The following TMPRSS11F variants were observed in gnomAD, a reference collection of about 807,000 sequenced individuals.
TMPRSS11F encodes the protein transmembrane serine protease 11F, also known as transmembrane protease serine 11F.
In TMPRSS11F, 47 loss-of-function variants were observed where a neutral mutation model predicts 60.2. That is an observed-to-expected ratio of 0.78 (90% CI 0.62 to 1.00). The LOEUF is 1.00. Ranked by LOEUF, TMPRSS11F falls within the 50% of genes least tolerant of loss-of-function variation. The probability of loss-of-function intolerance (pLI) is 0.00; values close to 1 mark genes in which losing one functional copy is unlikely to be tolerated. For missense variants in TMPRSS11F, 519 were observed against 522.9 expected (o/e 0.99, Z 0.07); for synonymous variants, 166 against 167.3 (o/e 0.99, Z 0.06).
At chr4:68,110,632 T>C (rs895556214) in intron 1 of TMPRSS11F, among the ~76,000 whole-genome samples, 6 of 152,170 alleles carry the variant, frequency 3.9e-5, no homozygotes, top group Admixed American at 6.6e-5. Context: ...AGTTTTTTCA[T>C]CTGCAAAATG....
At chr4:68,113,931 T>C (rs1724461043) in intron 1 of TMPRSS11F, among the ~76,000 whole-genome samples, 1 of 152,126 alleles carries the variant, frequency 6.6e-6, no homozygotes, top group African/African-American at 2.4e-5. Flanking sequence ...TAAAGTATGT[T>C]CTTCGATTTT....
intron 1 of TMPRSS11F, among the ~76,000 whole-genome samples, chr4:68,107,867 G>T (rs1724334317): frequency 6.6e-6 from 1 of 152,108 alleles, no homozygotes; most frequent in South Asian, 2.1e-4. Context: ...AACCCAGGAG[G>T]CAGAGGCTGC....
chr4:68,075,181 C>T (rs1465454577), intron 3 of TMPRSS11F, among the ~76,000 whole-genome samples: 2 of 152,068 alleles, frequency 1.3e-5, no homozygotes, highest in African/African-American at 4.8e-5. Flanking sequence ...GTAATAATGC[C>T]CAGTAGACTT....
At chr4:68,111,093 T>G (rs1724402643) in intron 1 of TMPRSS11F, among the ~76,000 whole-genome samples, 1 of 152,272 alleles carries the variant, frequency 6.6e-6, no homozygotes, top group East Asian at 1.9e-4. Context: ...CATATGGCAT[T>G]AAGCATGATG....
rs1474288880 is a variant in TMPRSS11F, at chr4:68,084,772, T to C, written c.282+5751A>G. Among the ~76,000 whole-genome samples the C allele has an allele frequency of 4.0e-5, 6 of 151,146 alleles. No homozygotes were observed. In the East Asian group the frequency reaches 1.2e-3, roughly 29 times the overall value. Reference sequence around the variant, plus strand: ...ATTATACTTTAAGTTTTAGGGTACATGTGCACATTGTGCAGGTTAGTTACA... The same window carrying C: ...ATTATACTTTAAGTTTTAGGGTACACGTGCACATTGTGCAGGTTAGTTACA... On this transcript the variant is annotated intron_variant, in intron 3 of 9. Transcript: ENST00000356291.
chr4:68,102,798 G>C (rs141196034), intron 1 of TMPRSS11F, among the ~76,000 whole-genome samples: 1 of 151,974 alleles, frequency 6.6e-6, no homozygotes, highest in East Asian at 1.9e-4. Context: ...TTCTTTTGCT[G>C]TGTAGAAGCT....
intron 1 of TMPRSS11F, among the ~76,000 whole-genome samples, chr4:68,123,961 C>T (rs543485104): frequency 6.6e-6 from 1 of 152,110 alleles, no homozygotes; most frequent in African/African-American, 2.4e-5. Flanking sequence ...TGGCTCATGC[C>T]TGTAATCCTA....
chr4:68,080,731 T>C (rs541614275), intron 3 of TMPRSS11F: 8 of 152,276 alleles, frequency 5.3e-5, no homozygotes, highest in African/African-American at 1.9e-4. Flanking sequence ...TCCTTATGAA[T>C]TTTTTTCTGA....
intron 1 of TMPRSS11F, among the ~76,000 whole-genome samples, chr4:68,125,338 A>T (rs1724695872): frequency 6.6e-6 from 1 of 152,158 alleles, no homozygotes; most frequent in Non-Finnish European, 1.5e-5. Flanking sequence ...TCAATCATTT[A>T]TAAAATTTTC....
chr4:68,071,626 T>C (rs1235776275), intron 5 of TMPRSS11F, among the ~76,000 whole-genome samples: 1 of 152,322 alleles, frequency 6.6e-6, no homozygotes, highest in Admixed American at 6.5e-5. Context: ...TTCAATTACA[T>C]ATTGGAATAG....
intron 9 of TMPRSS11F, among the ~76,000 whole-genome samples, chr4:68,058,863 G>T (rs1439684640): frequency 6.6e-6 from 1 of 152,154 alleles, no homozygotes; most frequent in Non-Finnish European, 1.5e-5. Flanking sequence ...TGATAACAAG[G>T]CCCATAGTGT....
At chr4:68,122,261 C>A (rs980072600) in intron 1 of TMPRSS11F, among the ~76,000 whole-genome samples, 2 of 152,016 alleles carry the variant, frequency 1.3e-5, no homozygotes, top group South Asian at 2.1e-4. Flanking sequence ...ACCTAAAATT[C>A]TATTATTGAA....
At chr4:68,090,780 C>T (rs13115830) in intron 2 of TMPRSS11F, 139 bp from the exon 3 acceptor site, 1,372,532 of 1,385,300 alleles carry the variant, frequency 0.99, 680,801 homozygotes, top group East Asian at 1. Flanking sequence ...GAAGACACTT[C>T]TCAAATACTC....
At chr4:68,112,838 T>A (rs1365828137) in intron 1 of TMPRSS11F, among the ~76,000 whole-genome samples, 1 of 152,182 alleles carries the variant, frequency 6.6e-6, no homozygotes, top group Non-Finnish European at 1.5e-5. Context: ...TCTTAGTTTA[T>A]AATTTCCTAA....
rs150667535 is a variant in TMPRSS11F, at chr4:68,120,103, A to G, written c.11+9707T>C. On this transcript the variant is annotated intron_variant, in intron 1 of 9. Transcript: ENST00000356291. Reference sequence around the variant, plus strand: ...AGATTTAGAAGTGGAACCTGAAGACATGACTCAAATGCTGCAATCTCATGA... The same window carrying G: ...AGATTTAGAAGTGGAACCTGAAGACGTGACTCAAATGCTGCAATCTCATGA... Among the ~76,000 whole-genome samples the G allele has an allele frequency of 9.7e-3, 1,481 of 152,328 alleles. 26 individuals carry two copies. The highest frequency in any genetic ancestry group is 0.034 in the African/African-American group (1,410 of 41,574).
chr4:68,064,371 G>A (rs1465251080), intron 8 of TMPRSS11F, among the ~76,000 whole-genome samples: 1 of 151,870 alleles, frequency 6.6e-6, no homozygotes, highest in East Asian at 1.9e-4. Context: ...TATTTTAGTA[G>A]AGATGGGGTT....
intron 1 of TMPRSS11F, among the ~76,000 whole-genome samples, chr4:68,115,385 AGAAG>A: frequency 6.7e-6 from 1 of 149,598 alleles, no homozygotes; most frequent in Non-Finnish European, 1.5e-5. Context: ...AAAAAAAAGA[AGAAG>A]AAGAAAAGTT....
intron 8 of TMPRSS11F, among the ~76,000 whole-genome samples, chr4:68,061,547 T>C (rs1723174585): frequency 6.6e-6 from 1 of 152,234 alleles, no homozygotes; most frequent in South Asian, 2.1e-4. Flanking sequence ...GTTTCTTATT[T>C]TGGATGCTAC....
intron 1 of TMPRSS11F, among the ~76,000 whole-genome samples, chr4:68,100,580 G>A (rs950742732): frequency 1.3e-5 from 2 of 152,018 alleles, no homozygotes; most frequent in Non-Finnish European, 2.9e-5. Flanking sequence ...CCACTTGTTT[G>A]GACGTCCAGG....
Sources: allele counts gnomAD v4.1 joint callset (sites outside exome capture counted in the v4.1 genomes callset), GRCh38; gene constraint gnomAD v4.1.1; transcripts MANE v1.5; gene names NCBI Gene and HGNC (gene_info 2026-07-23, HGNC 2026-07-21).